Variants in MECOM observed in about 807,000 individuals in gnomAD.
MECOM encodes histone-lysine N-methyltransferase MECOM.
Under a neutral mutation model 116.3 loss-of-function variants are expected in MECOM, and 13 were observed. The observed-to-expected ratio is 0.11, with a 90% confidence interval of 0.07 to 0.18. The LOEUF (loss-of-function observed/expected upper bound fraction) is 0.18, where lower values mean the gene tolerates loss of function less well. MECOM is among the 10% of genes least tolerant of loss of function. The pLI, the probability that MECOM is intolerant of heterozygous loss-of-function variation, is 1.00. For missense variants in MECOM, 1,299 were observed against 1,509.0 expected (o/e 0.86, Z 2.31); for synonymous variants, 528 against 535.2 (o/e 0.99, Z 0.19).
At chr3:169,164,671 G>T (rs541023628) in intron 2 of MECOM, among the ~76,000 whole-genome samples, 69 of 151,886 alleles carry the variant, frequency 4.5e-4, no homozygotes, top group Non-Finnish European at 6.5e-4. Context: ...AATTTTTTTT[G>T]TCCCCAGCTA....
chr3:169,640,662 G>A (rs1004619275), intron 1 of MECOM, among the ~76,000 whole-genome samples: 18 of 152,194 alleles, frequency 1.2e-4, no homozygotes, highest in African/African-American at 4.1e-4. Flanking sequence ...ATGACGTCAT[G>A]GAAACATCAC....
chr3:169,175,787 A>G lies in MECOM; in HGVS notation c.376-31955T>C, dbSNP rs1179438032. Among the ~76,000 whole-genome samples, 5 of 152,296 alleles carry G rather than the reference A, an allele frequency of 3.3e-5. No homozygotes were observed. The East Asian group carries it at 9.6e-4, about 29-fold the overall frequency. On this transcript the variant is annotated intron_variant, in intron 2 of 16. Transcript: ENST00000651503. ...ATTTAAGATGGGTAGGTACTCAATA[A>G]TAATTCCCTCTATGCTTTTCAGATG...
chr3:169,533,146 T>C (rs1758863762), intron 1 of MECOM, among the ~76,000 whole-genome samples: 1 of 149,270 alleles, frequency 6.7e-6, no homozygotes, highest in Admixed American at 6.6e-5. Flanking sequence ...GGTTGGAATA[T>C]TAAGCAGCCA....
At chr3:169,244,411 T>G (rs934771004) in intron 2 of MECOM, among the ~76,000 whole-genome samples, 2 of 152,214 alleles carry the variant, frequency 1.3e-5, no homozygotes, top group African/African-American at 4.8e-5. Context: ...ATTTGCCATG[T>G]GCCTCATTAT....
chr3:169,300,552 A>G (rs940256834), intron 2 of MECOM, among the ~76,000 whole-genome samples: 27 of 152,206 alleles, frequency 1.8e-4, no homozygotes, highest in African/African-American at 6.3e-4. Context: ...CTGCTGATGT[A>G]AAAACAATGA....
At chr3:169,486,365 A>G (rs1752386766) in intron 1 of MECOM, among the ~76,000 whole-genome samples, 1 of 151,984 alleles carries the variant, frequency 6.6e-6, no homozygotes, top group Non-Finnish European at 1.5e-5. Context: ...AAAAATTTTC[A>G]ACTTAAGCAT....
intron 1 of MECOM, among the ~76,000 whole-genome samples, chr3:169,393,928 G>A (rs1393351450): frequency 6.6e-6 from 1 of 151,992 alleles, no homozygotes; most frequent in African/African-American, 2.4e-5. Context: ...ATATATTGTG[G>A]ATAAAGCCAT....
intron 1 of MECOM, among the ~76,000 whole-genome samples, chr3:169,561,634 A>G (rs1360601731): frequency 1.3e-5 from 2 of 152,194 alleles, no homozygotes; most frequent in Admixed American, 6.5e-5. Context: ...TTGGAAAGGA[A>G]GAAAAACAAA....
chr3:169,336,379 C>T (rs975303812), intron 2 of MECOM, among the ~76,000 whole-genome samples: 1 of 151,740 alleles, frequency 6.6e-6, no homozygotes, highest in Non-Finnish European at 1.5e-5. Flanking sequence ...AGGACTACCT[C>T]ATGGCCTACA....
chr3:169,377,695 C>A (rs1731275015), intron 2 of MECOM, among the ~76,000 whole-genome samples: 1 of 151,996 alleles, frequency 6.6e-6, no homozygotes, highest in South Asian at 2.1e-4. Context: ...AGGATGTGGA[C>A]AAATAGGAAT....
intron 1 of MECOM, among the ~76,000 whole-genome samples, chr3:169,660,325 A>G (rs192141762): frequency 2.3e-4 from 35 of 152,194 alleles, no homozygotes; most frequent in Middle Eastern, 6.8e-3. Context: ...TTTTTAATTA[A>G]ATTTTTTAAC....
chr3:169,382,849 C>CAAAAAAA (rs1157852145), intron 1 of MECOM, among the ~76,000 whole-genome samples: 1 of 47,148 alleles, frequency 2.1e-5, no homozygotes, highest in African/African-American at 8.9e-5. Flanking sequence ...AAGCCCATCT[C>CAAAAAAA]AAAAAAAAAA....
At chr3:169,179,557 A>G (rs574984729) in intron 2 of MECOM, among the ~76,000 whole-genome samples, 11 of 152,348 alleles carry the variant, frequency 7.2e-5, no homozygotes, top group African/African-American at 2.4e-4. Flanking sequence ...TCGAATAATA[A>G]AATCAACACA....
At chr3:169,380,525 G>C (rs1732221566) in intron 2 of MECOM, among the ~76,000 whole-genome samples, 3 of 152,006 alleles carry the variant, frequency 2.0e-5, no homozygotes, top group Non-Finnish European at 1.5e-5. Context: ...GTTGCCAAAT[G>C]GATTTTATGA....
intron 2 of MECOM, among the ~76,000 whole-genome samples, chr3:169,259,961 T>G (rs1757348053): frequency 6.6e-6 from 1 of 152,168 alleles, no homozygotes; most frequent in Admixed American, 6.5e-5. Flanking sequence ...TTTCCTCCCC[T>G]GCAAAATGGG....
chr3:169,601,709 G>A (rs1767850155), intron 1 of MECOM, among the ~76,000 whole-genome samples: 2 of 152,154 alleles, frequency 1.3e-5, no homozygotes, highest in South Asian at 4.1e-4. Context: ...TAGAAGACAT[G>A]AAAATGTGCC....
chr3:169,482,496 G>A (rs1161904141), intron 1 of MECOM, among the ~76,000 whole-genome samples: 7 of 151,976 alleles, frequency 4.6e-5, no homozygotes, highest in African/African-American at 9.7e-5. Flanking sequence ...CACCACGCCC[G>A]GCTAATTTTT....
intron 2 of MECOM, among the ~76,000 whole-genome samples, chr3:169,208,371 T>C (rs1381241489): frequency 6.6e-6 from 1 of 150,432 alleles, no homozygotes; most frequent in Non-Finnish European, 1.5e-5. Context: ...TTAAAATTTG[T>C]GGTACAATTT....
intron 2 of MECOM, among the ~76,000 whole-genome samples, chr3:169,361,063 C>A (rs968521655): frequency 2.0e-5 from 3 of 151,724 alleles, no homozygotes; most frequent in Non-Finnish European, 4.4e-5. Context: ...AAAGAGATAA[C>A]CCTTAAAAGG....
Sources: allele counts gnomAD v4.1 joint callset (sites outside exome capture counted in the v4.1 genomes callset), GRCh38; gene constraint gnomAD v4.1.1; transcripts MANE v1.5; gene names NCBI Gene and HGNC (gene_info 2026-07-23, HGNC 2026-07-21).